Variants in CDH13 observed in about 807,000 individuals in gnomAD.
CDH13 encodes the protein cadherin-13.
CDH13 carries 24 observed loss-of-function variants against 63.8 expected under a neutral mutation model. That is an observed-to-expected ratio of 0.38 (90% CI 0.27 to 0.53). The LOEUF (loss-of-function observed/expected upper bound fraction) is 0.53, where lower values mean the gene tolerates loss of function less well. CDH13 is among the 20% of genes least tolerant of loss of function. The probability of loss-of-function intolerance (pLI) is 0.85; values close to 1 mark genes in which losing one functional copy is unlikely to be tolerated. For synonymous variants in CDH13, 503 were observed against 355.3 expected, an observed-to-expected ratio of 1.42 and a Z score of -4.67; for missense variants, 1,049 against 903.1, an observed-to-expected ratio of 1.16 and a Z score of -2.07.
intron 2 of CDH13, among the ~76,000 whole-genome samples, chr16:82,918,832 A>G (rs1301468088): frequency 6.6e-6 from 1 of 152,138 alleles, no homozygotes; most frequent in Non-Finnish European, 1.5e-5. Flanking sequence ...CTTTTGATAC[A>G]TATTGACTAA....
At chr16:83,249,487 G>A (rs915100119) in intron 5 of CDH13, among the ~76,000 whole-genome samples, 14 of 152,124 alleles carry the variant, frequency 9.2e-5, no homozygotes, top group African/African-American at 3.4e-4. Context: ...CTCTGCTTGA[G>A]GCACTCTGAT....
Position 83,102,911 on chromosome 16 carries a change from C to CTTTTTTTTTCTTTTTCT in CDH13, c.367-22465_367-22464insCTTTTTCTTTTTTTTTT, listed in dbSNP as rs1211949695. Among the ~76,000 whole-genome samples the CTTTTTTTTTCTTTTTCT allele has an allele frequency of 7.5e-4, 72 of 96,560 alleles. 4 individuals are homozygous for CTTTTTTTTTCTTTTTCT. Among genetic ancestry groups the CTTTTTTTTTCTTTTTCT allele is most frequent in the African/African-American group, 3.1e-3 (63 of 20,628 alleles). 63.3% of individuals were successfully genotyped at this position (96,560 alleles called of 152,430 possible). A position where few individuals can be genotyped will look rare whatever the true frequency, so the allele number is the denominator to read the frequency against. ...AAAATTCCTTTGCTAATTAAACTTT[C>CTTTTTTTTTCTTTTTCT]TTTTTTTTTTTTCTTTTTCTTTTTT... On this transcript the variant is annotated intron_variant, in intron 3 of 13. Coordinates refer to ENST00000567109, the MANE Select transcript of CDH13 (RefSeq NM_001257.5).
intron 6 of CDH13, among the ~76,000 whole-genome samples, chr16:83,440,562 T>C (rs2072450615): frequency 6.6e-6 from 1 of 151,942 alleles, no homozygotes; most frequent in African/African-American, 2.4e-5. Context: ...GGCAGATCTC[T>C]TGAGTTGAGG....
chr16:83,282,182 G>T (rs1189990266), intron 5 of CDH13, among the ~76,000 whole-genome samples: 1 of 152,080 alleles, frequency 6.6e-6, no homozygotes, highest in African/African-American at 2.4e-5. Flanking sequence ...CTGCGGACAT[G>T]GCTCATGGTA....
chr16:82,973,826 A>C (rs777566646), intron 2 of CDH13, among the ~76,000 whole-genome samples: 4 of 152,212 alleles, frequency 2.6e-5, no homozygotes, highest in Non-Finnish European at 1.5e-5. Context: ...TACAAAATGC[A>C]TGTTGCAGTT....
At chr16:83,180,949 T>A in intron 4 of CDH13, 1 of 1,532,684 alleles carries the variant, frequency 6.5e-7, no homozygotes, top group South Asian at 1.2e-5. Context: ...ATTACAATTT[T>A]AGCAATTTAA....
intron 7 of CDH13, among the ~76,000 whole-genome samples, chr16:83,550,218 A>G (rs1192847928): frequency 2.0e-5 from 3 of 152,196 alleles, no homozygotes; most frequent in Non-Finnish European, 4.4e-5. Flanking sequence ...AGAGGGACAA[A>G]CAAAACACCT....
intron 8 of CDH13, among the ~76,000 whole-genome samples, chr16:83,660,830 A>G (rs1011904288): frequency 6.6e-6 from 1 of 152,200 alleles, no homozygotes; most frequent in Non-Finnish European, 1.5e-5. Context: ...AGATGAACAA[A>G]TGTGTTTTGC....
chr16:83,055,093 G>A (rs2030780187), intron 3 of CDH13, among the ~76,000 whole-genome samples: 1 of 151,874 alleles, frequency 6.6e-6, no homozygotes. Flanking sequence ...TATTCCATGG[G>A]TAAAATAAGA....
At chr16:83,707,221 A>G (rs891295688) in intron 10 of CDH13, among the ~76,000 whole-genome samples, 4 of 152,324 alleles carry the variant, frequency 2.6e-5, no homozygotes, top group Admixed American at 2.0e-4. Flanking sequence ...TCCACCCATC[A>G]CAATCCTGTT....
chr16:83,063,770 G>A (rs1259179753), intron 3 of CDH13, among the ~76,000 whole-genome samples: 1 of 152,180 alleles, frequency 6.6e-6, no homozygotes, highest in African/African-American at 2.4e-5. Context: ...AAATCAAGGT[G>A]TCAGCAGAAC....
intron 10 of CDH13, among the ~76,000 whole-genome samples, chr16:83,703,419 C>A (rs573811226): frequency 3.3e-5 from 5 of 152,162 alleles, no homozygotes; most frequent in East Asian, 1.9e-4. Context: ...AAATATATTA[C>A]AGAGTTGCCA....
chr16:83,103,243 C>G (rs1186934625), intron 3 of CDH13, among the ~76,000 whole-genome samples: 1 of 91,230 alleles, frequency 1.1e-5, no homozygotes, highest in African/African-American at 4.2e-5. Context: ...GTTAACTGAA[C>G]TTTTTTTTTT....
intron 2 of CDH13, among the ~76,000 whole-genome samples, chr16:83,023,587 C>G (rs1396143422): frequency 6.6e-6 from 1 of 152,180 alleles, no homozygotes; most frequent in Non-Finnish European, 1.5e-5. Flanking sequence ...TCATTCTGAG[C>G]CACCCAGGAA....
intron 1 of CDH13, chr16:82,825,549 T>C (rs1443166973): frequency 6.6e-6 from 1 of 151,618 alleles, no homozygotes; most frequent in East Asian, 1.9e-4. Flanking sequence ...CTTTTTTTTT[T>C]TTTTTTTTCC....
intron 8 of CDH13, among the ~76,000 whole-genome samples, chr16:83,604,273 A>C (rs543506646): frequency 6.6e-6 from 1 of 152,196 alleles, no homozygotes; most frequent in Admixed American, 6.5e-5. Flanking sequence ...CCATTCTCTG[A>C]CTTCCCATGG....
At chr16:83,589,683 C>A (rs1414569058) in intron 7 of CDH13, among the ~76,000 whole-genome samples, 1 of 152,062 alleles carries the variant, frequency 6.6e-6, no homozygotes, top group Non-Finnish European at 1.5e-5. Context: ...GATACATGAA[C>A]CTGACATTGA....
chr16:83,017,243 G>A (rs569533928), intron 2 of CDH13, among the ~76,000 whole-genome samples: 150 of 152,226 alleles, frequency 9.9e-4, no homozygotes, highest in African/African-American at 3.2e-3. Flanking sequence ...GACACACAGG[G>A]TCTTCTGGCA....
chr16:83,570,782 ATTTTATATTTTATATT>A (rs1424002762), intron 7 of CDH13, among the ~76,000 whole-genome samples: 17 of 142,642 alleles, frequency 1.2e-4, no homozygotes, highest in African/African-American at 4.3e-4. Context: ...AATAAAATAT[ATTTTATATTTTATATT>A]TATAAATATA....
Sources: allele counts gnomAD v4.1 joint callset (sites outside exome capture counted in the v4.1 genomes callset), GRCh38; gene constraint gnomAD v4.1.1; transcripts MANE v1.5; gene names NCBI Gene and HGNC (gene_info 2026-07-23, HGNC 2026-07-21).